SELPLG: variants seen among roughly 807,000 people sequenced by gnomAD.
The protein encoded by SELPLG is P-selectin glycoprotein ligand 1.
In SELPLG, 2 loss-of-function variants were observed where a neutral mutation model predicts 1.1. That is an observed-to-expected ratio of 1.82 (90% CI 0.74 to 5.71). The LOEUF is 5.71. Ranked by LOEUF, SELPLG falls within the 30% of genes most tolerant of loss-of-function variation. SELPLG has a pLI of 0.05. For missense variants in SELPLG, 478 were observed against 524.7 expected (o/e 0.91, Z 0.87); for synonymous variants, 230 against 221.2 (o/e 1.04, Z -0.35).
chr12:108,624,693 CT>C (rs1162863553), intron 1 of SELPLG, among the ~76,000 whole-genome samples: 288 of 114,778 alleles, frequency 2.5e-3, no homozygotes, highest in South Asian at 4.2e-3. Flanking sequence ...CTCCTTTTTT[CT>C]TTTTTTTTTT....
Position 108,623,960 on chromosome 12 carries a change from T to C in SELPLG, c.348A>G (p.Ser116=), listed in dbSNP as rs1466515958. The change falls in exon 2 of 2, where the codon TCA becomes TCG. Residue 116 remains serine (S), a synonymous_variant. Coordinates refer to ENST00000550948, the MANE Select transcript of SELPLG (RefSeq NM_003006.4). ...LANMGNLSTD[S]AAMEIQTTQP... ...GAGTGGTCTGTATCTCCATAGCTGC[T>C]GAATCCGTGGACAGGTTCCCCATGT... 1 of 1,614,222 alleles carries C rather than the reference T, an allele frequency of 6.2e-7. No homozygotes were observed. Among genetic ancestry groups the C allele is most frequent in the Non-Finnish European group, 8.5e-7 (1 of 1,180,034 alleles).
intron 1 of SELPLG, among the ~76,000 whole-genome samples, chr12:108,625,709 C>T (rs2031924971): frequency 6.6e-6 from 1 of 152,222 alleles, no homozygotes; most frequent in African/African-American, 2.4e-5. Context: ...TTGGTCATCT[C>T]ATTGATCTTT....
At chr12:108,632,462 C>T (rs1019161933) in intron 1 of SELPLG, among the ~76,000 whole-genome samples, 1 of 151,318 alleles carries the variant, frequency 6.6e-6, no homozygotes, top group Non-Finnish European at 1.5e-5. Flanking sequence ...CTGGCCCCCA[C>T]CATTTCCTTT....
At chr12:108,632,074 T>C (rs1010709448) in intron 1 of SELPLG, 16 of 684,474 alleles carry the variant, frequency 2.3e-5, no homozygotes, top group Non-Finnish European at 3.4e-5. Flanking sequence ...GGTTCTCGGA[T>C]GATTGATTCC....
At chr12:108,627,417 C>T (rs929804738) in intron 1 of SELPLG, among the ~76,000 whole-genome samples, 2 of 151,784 alleles carry the variant, frequency 1.3e-5, no homozygotes, top group African/African-American at 4.8e-5. Context: ...CCCAGAAAGG[C>T]CTGCCACATA....
At chr12:108,630,405 C>T (rs1476668107) in intron 1 of SELPLG, among the ~76,000 whole-genome samples, 1 of 152,224 alleles carries the variant, frequency 6.6e-6, no homozygotes, top group Non-Finnish European at 1.5e-5. Context: ...AACTGGTGGT[C>T]AGAGCGGGCA....
At chr12:108,628,417 C>T (rs1487879254) in intron 1 of SELPLG, among the ~76,000 whole-genome samples, 1 of 151,370 alleles carries the variant, frequency 6.6e-6, no homozygotes, top group Non-Finnish European at 1.5e-5. Flanking sequence ...GGGTAGAGTT[C>T]TTATCTGGGG....
intron 1 of SELPLG, among the ~76,000 whole-genome samples, chr12:108,626,054 CG>C (rs1162709829): frequency 1.3e-5 from 2 of 151,948 alleles, no homozygotes; most frequent in African/African-American, 2.4e-5. Context: ...AACTCACTCA[CG>C]GGCCCCTCAC....
In SELPLG at chr12:108,622,336, A is replaced by G. The variant is rs2031836842; in HGVS notation, c.*733T>C. On this transcript the variant is annotated 3_prime_UTR_variant, in exon 2 of 2. Coordinates refer to ENST00000550948, the MANE Select transcript of SELPLG (RefSeq NM_003006.4). ...CTGCAGTTGGGATACTGCAGTGAAC[A>G]AGACAGAGTCCACCCTGGAAAGTGG... is the stretch of plus-strand genomic sequence containing the variant. The G allele has an allele frequency of 6.6e-6, 1 of 152,304 alleles. No individual in the cohort carries two copies. Among genetic ancestry groups the G allele is most frequent in the African/African-American group, 2.4e-5 (1 of 41,456 alleles). 9.4% of individuals were successfully genotyped at this position (152,304 alleles called of 1,614,324 possible).
In SELPLG at chr12:108,623,170, C is replaced by T. The variant is rs2031853197; in HGVS notation, c.1138G>A (p.Ala380Thr). Residue 380 changes from alanine to threonine, a missense_variant, in exon 2 of 2, where the codon GCC (alanine) becomes ACC (threonine). By Grantham distance (58) the Ala-to-Thr change is moderately conservative. Coordinates refer to ENST00000550948, the MANE Select transcript of SELPLG (RefSeq NM_003006.4). ...PDGGEGPSAT[A>T]NGGLSKAKSP... ...TTGGCCTTGGACAGGCCCCCATTGG[C>T]TGTGGCAGAGGGCCCCTCACCCCCA... 6.2e-7 allele frequency: 1 copy of T among 1,613,278 alleles called. No homozygotes were observed. Among genetic ancestry groups the T allele is most frequent in the Non-Finnish European group, 8.5e-7 (1 of 1,179,646 alleles).
At position 108,623,992 on chromosome 12, in the gene SELPLG, G is replaced by C. The variant is rs371499696; in HGVS notation, c.316C>G (p.Leu106Val). The change falls in exon 2 of 2, where the codon CTG becomes GTG. Residue 106 changes from leucine (L) to valine (V), a missense_variant. Coordinates refer to ENST00000550948, the MANE Select transcript of SELPLG (RefSeq NM_003006.4). ...GTGGACAGGTTCCCCATGTTGGCCA[G>C]CTCCGTGGTCAGCTCTGTGACTGCC... ...GGAVTELTTE[L>V]ANMGNLSTDS... The C allele has an allele frequency of 1.9e-6, 3 of 1,614,084 alleles. No individual in the cohort carries two copies. In the South Asian group the frequency reaches 3.3e-5, roughly 18 times the overall value.
At chr12:108,632,436 GT>G (rs1654685926) in intron 1 of SELPLG, among the ~76,000 whole-genome samples, 1 of 150,622 alleles carries the variant, frequency 6.6e-6, no homozygotes, top group Non-Finnish European at 1.5e-5. Context: ...GTGAATGTGT[GT>G]ACAGCAGGGC....
chr12:108,629,099 G>A (rs932613867), intron 1 of SELPLG, among the ~76,000 whole-genome samples: 1 of 152,152 alleles, frequency 6.6e-6, no homozygotes, highest in South Asian at 2.1e-4. Context: ...TGGAGATGGC[G>A]GCCTCTCTAC....
In SELPLG at chr12:108,628,318, A is replaced by AACACACACACAC. The variant is rs57432345; in HGVS notation, c.-5-4018_-5-4007dup. Among the ~76,000 whole-genome samples the AACACACACACAC allele has an allele frequency of 6.5e-3, 914 of 140,262 alleles. 27 individuals are homozygous for AACACACACACAC. The highest frequency in any genetic ancestry group is 0.033 in the South Asian group (137 of 4,110). 92.0% of individuals were successfully genotyped at this position (140,262 alleles called of 152,430 possible). ...CTTACAGTAGGTGCTTAATAAATGT[A>AACACACACACAC]ACACACACACACACACACACACACA... On this transcript the variant is annotated intron_variant, in intron 1 of 1. Coordinates refer to ENST00000550948, the MANE Select transcript of SELPLG (RefSeq NM_003006.4).
intron 1 of SELPLG, among the ~76,000 whole-genome samples, chr12:108,630,696 C>T (rs1053907715): frequency 1.3e-5 from 2 of 152,156 alleles, no homozygotes; most frequent in Non-Finnish European, 1.5e-5. Flanking sequence ...TGGTAGCACC[C>T]GCTTTTTATG....
rs997500188 is a variant in SELPLG at position 108,622,662 on chromosome 12, C to G, written c.*407G>C. 1 of 185,878 alleles carries G rather than the reference C, an allele frequency of 5.4e-6. No homozygotes were observed. The highest frequency in any genetic ancestry group is 1.1e-5 in the Non-Finnish European group (1 of 89,568). The allele number at this position is 185,878 out of a possible 1,614,324, so 11.5% of individuals were successfully genotyped here. On this transcript the variant is annotated 3_prime_UTR_variant, in exon 2 of 2. Coordinates refer to ENST00000550948, the MANE Select transcript of SELPLG (RefSeq NM_003006.4). ...ACCAAAAGACAATGGCAGTGCAGTGCGTGTGGGATGGGGGAGCTCCATCTT... is the reference window on the plus strand; with the variant it reads ...ACCAAAAGACAATGGCAGTGCAGTGGGTGTGGGATGGGGGAGCTCCATCTT...
rs1189468701 is a variant in SELPLG, at chr12:108,623,602, G to A, written c.706C>T (p.Pro236Ser). Residue 236 changes from proline (P) to serine (S), a missense_variant, in exon 2 of 2, where the codon CCA (proline) becomes TCA (serine). Coordinates refer to ENST00000550948, the MANE Select transcript of SELPLG (RefSeq NM_003006.4). ...TTAMEAQTTA[P>S]EATEAQTTQP... ...GTGGTCTGTGCCTCCGTGGCTTCTG[G>A]TGCAGTGGTCTGTGCCTCCATGGCT... The A allele has an allele frequency of 5.0e-6, 8 of 1,612,116 alleles. No individual in the cohort carries two copies. Among genetic ancestry groups the A allele is most frequent in the Non-Finnish European group, 6.8e-6 (8 of 1,179,414 alleles).
chr12:108,632,226 G>T, intron 1 of SELPLG: 1 of 359,578 alleles, frequency 2.8e-6, no homozygotes, highest in Non-Finnish European at 5.1e-6. Flanking sequence ...AAGAGACTCT[G>T]GGGCTGTCTG....
At chr12:108,628,241 C>T (rs1266600059) in intron 1 of SELPLG, among the ~76,000 whole-genome samples, 10 of 150,292 alleles carry the variant, frequency 6.7e-5, no homozygotes, top group Non-Finnish European at 1.2e-4. Flanking sequence ...CCAGCCTGGG[C>T]GACAGAGTGA....
Sources: gnomAD v4.1 joint callset for allele counts (sites outside exome capture counted in the v4.1 genomes callset) on GRCh38, gnomAD v4.1.1 for gene constraint, MANE v1.5 for transcripts, NCBI Gene and HGNC (gene_info 2026-07-23, HGNC 2026-07-21) for gene names.